Variants in RFX2 observed in about 807,000 individuals in gnomAD.
RFX2 encodes the protein DNA-binding protein RFX2.
RFX2 carries 20 observed loss-of-function variants against 87.8 expected under a neutral mutation model. That is an observed-to-expected ratio of 0.23 (90% CI 0.16 to 0.33). RFX2 has a LOEUF of 0.33. Among genes scored for constraint, RFX2 ranks in the 10% least tolerant of loss-of-function variants. The probability of loss-of-function intolerance (pLI) is 1.00; values close to 1 mark genes in which losing one functional copy is unlikely to be tolerated. For synonymous variants in RFX2, 397 were observed against 431.3 expected (o/e 0.92, Z 0.98); for missense variants, 767 against 1,012.3 (o/e 0.76, Z 3.29).
chr19:6,028,347 T>C (rs1279534992), intron 5 of RFX2, among the ~76,000 whole-genome samples: 1 of 152,196 alleles, frequency 6.6e-6, no homozygotes, highest in East Asian at 1.9e-4. Context: ...TTAGTTGAAG[T>C]ACATTGAAAA....
chr19:6,076,510 C>T (rs1342205966), intron 1 of RFX2, among the ~76,000 whole-genome samples: 3 of 152,180 alleles, frequency 2.0e-5, no homozygotes, highest in East Asian at 1.9e-4. Flanking sequence ...GTGACCTCAG[C>T]CAGGGACTTA....
At chr19:6,104,585 T>A (rs573106746) in intron 1 of RFX2, among the ~76,000 whole-genome samples, 23 of 132,840 alleles carry the variant, frequency 1.7e-4, no homozygotes, top group Middle Eastern at 3.7e-3. Flanking sequence ...AAAAAAAAAA[T>A]TTTTAAGGGC....
rs114137841 is a variant in RFX2, at chr19:6,069,981, T to C, written c.-8-22477A>G. 2.7e-4 allele frequency among the ~76,000 whole-genome samples: 21 copies of C among 78,980 alleles called. 2 individuals are homozygous for C. Among genetic ancestry groups the C allele is most frequent in the African/African-American group, 1.1e-3 (20 of 17,918 alleles). 51.8% of individuals were successfully genotyped at this position (78,980 alleles called of 152,430 possible). A position where few individuals can be genotyped will look rare whatever the true frequency, so the allele number is the denominator to read the frequency against. ...AAGGGAGACTTGCAAGTGGATGTTC[T>C]TTCATGGATGGGATGGGATGGGATG... is the stretch of plus-strand genomic sequence containing the variant. On this transcript the variant is annotated intron_variant, in intron 1 of 17. Coordinates refer to ENST00000303657, the MANE Select transcript of RFX2 (RefSeq NM_000635.4).
chr19:6,007,162 C>T lies in RFX2; in HGVS notation c.1252G>A (p.Glu418Lys), dbSNP rs757505751. ...GGCAGGACGGCGCCCTCGGGGTCTTCGTCACTGTGGAGGGAGGGGGGACAG... is the reference window on the plus strand; with the variant it reads ...GGCAGGACGGCGCCCTCGGGGTCTTTGTCACTGTGGAGGGAGGGGGGACAG... ...DGPTSLPASD[E>K]DPEGAVLPKD... Residue 418 changes from glutamate (E) to lysine (K), a missense_variant, in exon 12 of 18, where the codon GAA (glutamate) becomes AAA (lysine). By Grantham distance (56) the Glu-to-Lys change is moderately conservative. Around this residue, in one of 2 missense-constraint regions of RFX2, gnomAD observed 621 missense variants for 873.0 expected, o/e 0.71. Transcript: ENST00000303657. The surrounding 1 kb of genome is among the most constrained non-coding windows in gnomAD (Gnocchi z 8.2). 47 of 1,613,234 alleles carry T rather than the reference C, an allele frequency of 2.9e-5. No individual in the cohort carries two copies. Among genetic ancestry groups the T allele is most frequent in the African/African-American group, 5.3e-5 (4 of 74,902 alleles).
At chr19:6,088,813 ATAGTAAATATTT>A (rs1295269524) in intron 1 of RFX2, among the ~76,000 whole-genome samples, 1 of 152,194 alleles carries the variant, frequency 6.6e-6, no homozygotes, top group Non-Finnish European at 1.5e-5. Flanking sequence ...AAAATGTGGA[ATAGTAAATATTT>A]TAGGTTTTGC....
intron 1 of RFX2, among the ~76,000 whole-genome samples, chr19:6,048,810 G>C (rs1246814196): frequency 2.0e-5 from 3 of 152,120 alleles, no homozygotes; most frequent in Non-Finnish European, 4.4e-5. Flanking sequence ...GTTTGAATTC[G>C]AGTGTGCTGG....
Position 6,026,033 on chromosome 19 carries a change from C to A in RFX2, c.597+130G>T, listed in dbSNP as rs1186163122. On this transcript the variant is annotated intron_variant, in intron 6 of 17. Transcript: ENST00000303657. The surrounding 1 kb of genome is among the most constrained non-coding windows in gnomAD (Gnocchi z 4.5). Reference sequence around the variant, plus strand: ...CTCCTGACTTCAAGTGATCCACCCGCCTTGGCCTCCCAAAGTGCTGGGATT... The same window carrying A: ...CTCCTGACTTCAAGTGATCCACCCGACTTGGCCTCCCAAAGTGCTGGGATT... 4.2e-6 allele frequency: 3 copies of A among 714,846 alleles called. No homozygotes were observed. The highest frequency in any genetic ancestry group is 7.3e-6 in the Non-Finnish European group (3 of 410,354). 44.3% of individuals were successfully genotyped at this position (714,846 alleles called of 1,614,324 possible).
chr19:6,084,336 T>A (rs2087826156), intron 1 of RFX2, among the ~76,000 whole-genome samples: 2 of 152,192 alleles, frequency 1.3e-5, no homozygotes, highest in Admixed American at 1.3e-4. Flanking sequence ...ACGAGTCAAT[T>A]ACTCTTTATC....
intron 1 of RFX2, among the ~76,000 whole-genome samples, chr19:6,070,242 A>G: frequency 6.7e-6 from 1 of 148,964 alleles, no homozygotes; most frequent in Non-Finnish European, 1.5e-5. Context: ...ATGGGATGGG[A>G]TGTGGATGGG....
intron 1 of RFX2, among the ~76,000 whole-genome samples, chr19:6,054,433 G>A (rs557773558): frequency 1.3e-5 from 2 of 152,140 alleles, no homozygotes; most frequent in Non-Finnish European, 2.9e-5. Flanking sequence ...ATATTACAAG[G>A]AAAGTGTTTA....
Position 5,997,358 on chromosome 19 carries a change from AC to A in RFX2, c.1860-146del. 2 of 941,036 alleles carry A rather than the reference AC, an allele frequency of 2.1e-6. No individual in the cohort carries two copies. Among genetic ancestry groups the A allele is most frequent in the Non-Finnish European group, 3.0e-6 (2 of 658,948 alleles). The allele number at this position is 941,036 out of a possible 1,614,324, so 58.3% of individuals were successfully genotyped here. A position where few individuals can be genotyped will look rare whatever the true frequency, so the allele number is the denominator to read the frequency against. On this transcript the variant is annotated intron_variant, in intron 15 of 17. Coordinates refer to ENST00000303657, the MANE Select transcript of RFX2 (RefSeq NM_000635.4). The surrounding 1 kb of genome is among the most constrained non-coding windows in gnomAD (Gnocchi z 4.2). ...GAGTGATCCTAAGACGTGCAGGCCT[AC>A]GCGGGGGCTGACGGGCTGCCGAGAC...
At position 5,997,138 on chromosome 19, in the gene RFX2, G is replaced by A. The variant is rs371782022; in HGVS notation, c.1935C>T (p.Tyr645=). 13 of 1,613,638 alleles carry A rather than the reference G, an allele frequency of 8.1e-6. No individual in the cohort carries two copies. Among genetic ancestry groups the A allele is most frequent in the East Asian group, 4.5e-5 (2 of 44,880 alleles). Residue 645 remains tyrosine, a synonymous_variant, in exon 16 of 18, where the codon TAC becomes TAT. Transcript: ENST00000303657. This position sits in a 1 kb window ranked among gnomAD's most constrained non-coding sequence, Gnocchi z 4.2. The part of the protein sequence containing the change: ...FGSFHLIRLL[Y]DEYMFYLVEH... Reference sequence around the variant, plus strand: ...CCACCAGGTAGAACATGTACTCGTCGTAGAGCAGGCGGATGAGGTGGAAGG... The same window carrying A: ...CCACCAGGTAGAACATGTACTCGTCATAGAGCAGGCGGATGAGGTGGAAGG...
chr19:6,058,386 G>A (rs2087377270), intron 1 of RFX2, among the ~76,000 whole-genome samples: 1 of 152,178 alleles, frequency 6.6e-6, no homozygotes, highest in Non-Finnish European at 1.5e-5. Flanking sequence ...AAACAGGCCT[G>A]TAGACAGGGT....
chr19:6,048,558 G>T (rs190689766), intron 1 of RFX2, among the ~76,000 whole-genome samples: 42 of 152,332 alleles, frequency 2.8e-4, no homozygotes, highest in Admixed American at 2.0e-3. Flanking sequence ...CACCCTCCCA[G>T]TGTGGGGTCT....
chr19:5,998,614 C>A lies in RFX2; in HGVS notation c.1860-1401G>T, dbSNP rs1264206419. 6.6e-6 allele frequency among the ~76,000 whole-genome samples: 1 copy of A among 152,222 alleles called. No homozygotes were observed. Among genetic ancestry groups the A allele is most frequent in the African/African-American group, 2.4e-5 (1 of 41,460 alleles). On this transcript the variant is annotated intron_variant, in intron 15 of 17. Coordinates refer to ENST00000303657, the MANE Select transcript of RFX2 (RefSeq NM_000635.4). The surrounding 1 kb of genome is among the most constrained non-coding windows in gnomAD (Gnocchi z 4.2). ...CCCCTCCTGTTCCTCCGGGCCCACCCAGGTTGGCTTCCAAGCCCCCTTTCC... is the reference window on the plus strand; with the variant it reads ...CCCCTCCTGTTCCTCCGGGCCCACCAAGGTTGGCTTCCAAGCCCCCTTTCC...
rs2086678079 is a variant in RFX2 at position 6,012,926 on chromosome 19, C to T, written c.899+60G>A. 2 of 1,398,270 alleles carry T rather than the reference C, an allele frequency of 1.4e-6. No individual in the cohort carries two copies. Among genetic ancestry groups the T allele is most frequent in the African/African-American group, 2.9e-5 (2 of 67,908 alleles). 86.6% of individuals were successfully genotyped at this position (1,398,270 alleles called of 1,614,324 possible). The stretch of plus-strand genomic sequence containing the variant: ...ATGAGTTTGTTTCGTGTTGGAGAAA[C>T]ACCCACCCCTCCATGCTCCAGGGGA... On this transcript the variant is annotated intron_variant, in intron 8 of 17. Transcript: ENST00000303657. This position sits in a 1 kb window ranked among gnomAD's most constrained non-coding sequence, Gnocchi z 4.6.
chr19:6,058,929 C>G (rs1459762304), intron 1 of RFX2, among the ~76,000 whole-genome samples: 1 of 152,036 alleles, frequency 6.6e-6, no homozygotes, highest in Non-Finnish European at 1.5e-5. Flanking sequence ...TCCCCTAAGC[C>G]AGGGACCCCC....
chr19:5,995,674 T>C, intron 16 of RFX2, 31 bp from the exon 17 acceptor site: 1 of 1,549,772 alleles, frequency 6.5e-7, no homozygotes. Flanking sequence ...CAGGGGCGCC[T>C]GCAGAGGGGC....
At chr19:5,996,081 G>A (rs774239527) in intron 16 of RFX2, among the ~76,000 whole-genome samples, 2 of 152,212 alleles carry the variant, frequency 1.3e-5, no homozygotes, top group African/African-American at 4.8e-5. Context: ...TTCTGTACAC[G>A]TTGCGGGGCC....
Sources: allele counts gnomAD v4.1 joint callset (sites outside exome capture counted in the v4.1 genomes callset), GRCh38; gene constraint gnomAD v4.1.1; regional missense constraint gnomAD v4.1.1; non-coding constraint Gnocchi (gnomAD v3.1); transcripts MANE v1.5; gene names NCBI Gene and HGNC (gene_info 2026-07-23, HGNC 2026-07-21).